The following RBM45 variants were observed in gnomAD, a reference collection of about 807,000 sequenced individuals.
RBM45 encodes the protein RNA binding motif protein 45.
In RBM45, 39 loss-of-function variants were observed where a neutral mutation model predicts 58.5. That is an observed-to-expected ratio of 0.67 (90% CI 0.52 to 0.87). The LOEUF is 0.87. Ranked by LOEUF, RBM45 falls within the 40% of genes least tolerant of loss-of-function variation. The pLI is 0.00. For missense variants in RBM45, 481 were observed against 581.6 expected (o/e 0.83, Z 1.78); for synonymous variants, 193 against 203.0 (o/e 0.95, Z 0.42).
intron 2 of RBM45, 116 bp downstream of exon 2, chr2:178,116,500 C>T (rs541133944): frequency 1.3e-6 from 1 of 757,506 alleles, no homozygotes; most frequent in Admixed American, 3.1e-5. Flanking sequence ...TGGGGAATTA[C>T]ATAACTGCTT....
At chr2:178,124,372 A>G (rs908789310) in intron 8 of RBM45, 82 bp downstream of exon 8, 1 of 830,430 alleles carries the variant, frequency 1.2e-6, no homozygotes, top group Non-Finnish European at 1.8e-6. Context: ...TCCTTCACCC[A>G]GTACCTATCA....
At chr2:178,132,578 T>C (rs1224176342), downstream of RBM45, among the ~76,000 whole-genome samples, 1 of 150,142 alleles carries the variant, frequency 6.7e-6, no homozygotes, top group Non-Finnish European at 1.5e-5. Context: ...ACTGCGGTTC[T>C]TTTTTGTTTG....
intron 2 of RBM45, among the ~76,000 whole-genome samples, chr2:178,117,644 A>G (rs1372540128): frequency 6.6e-6 from 1 of 152,202 alleles, no homozygotes; most frequent in Non-Finnish European, 1.5e-5. Context: ...TAACCCTTAA[A>G]CAACCCTGTG....
chr2:178,120,083 C>T (rs2087828610), intron 3 of RBM45, among the ~76,000 whole-genome samples: 1 of 152,070 alleles, frequency 6.6e-6, no homozygotes, highest in Admixed American at 6.5e-5. Flanking sequence ...CTACATTGAC[C>T]CGTAATTTGG....
chr2:178,124,383 A>T (rs940220120), intron 8 of RBM45, 93 bp downstream of exon 8: 1 of 708,972 alleles, frequency 1.4e-6, no homozygotes, highest in East Asian at 3.0e-5. Flanking sequence ...GTACCTATCA[A>T]GTAGAGAGTA....
In RBM45 at chr2:178,112,471, TGG is replaced by T; in HGVS notation, c.-74_-73del. ...GCGGAGCACCGAGCCGGCAAAGGCT[TGG>T]GTGTGAGACAGCAGCGGTGGCAGAC... On this transcript the variant is annotated 5_prime_UTR_variant, in exon 1 of 10. Coordinates refer to ENST00000286070, the MANE Select transcript of RBM45 (RefSeq NM_152945.4). 7.2e-7 allele frequency: 1 copy of T among 1,380,978 alleles called. No homozygotes were observed. The highest frequency in any genetic ancestry group is 2.3e-5 in the East Asian group (1 of 43,378). 85.5% of individuals were successfully genotyped at this position (1,380,978 alleles called of 1,614,324 possible).
chr2:178,125,874 T>C, intron 8 of RBM45, 110 bp from the exon 9 acceptor site: 1 of 777,522 alleles, frequency 1.3e-6, no homozygotes, highest in South Asian at 1.5e-5. Flanking sequence ...GAGTTGGATG[T>C]TGGATCTGGG....
At chr2:178,123,972 G>A in intron 7 of RBM45, 60 bp downstream of exon 7, 2 of 1,529,050 alleles carry the variant, frequency 1.3e-6, no homozygotes, top group Non-Finnish European at 1.8e-6. Context: ...TAAATGTGAA[G>A]AGAAATCATG....
In RBM45 at chr2:178,112,558, T is replaced by A. The variant is rs1375881763; in HGVS notation, c.12T>A (p.Ala4=). MDE[A]GSSASGGGFR... ...TCGGGTGGAGCACCATGGACGAAGC[T>A]GGCAGCTCTGCGAGCGGCGGGGGCT... Residue 4 remains alanine (A), a synonymous_variant, in exon 1 of 10, where the codon GCT becomes GCA. Coordinates refer to ENST00000286070, the MANE Select transcript of RBM45 (RefSeq NM_152945.4). 6.2e-7 allele frequency: 1 copy of A among 1,613,356 alleles called. No homozygotes were observed. The highest frequency in any genetic ancestry group is 1.7e-5 in the Admixed American group (1 of 60,008).
In RBM45 at chr2:178,129,620, C is replaced by T. The variant is rs1022550326; in HGVS notation, c.*232C>T. 2 of 152,500 alleles carry T rather than the reference C, an allele frequency of 1.3e-5. No homozygotes were observed. The highest frequency in any genetic ancestry group is 4.8e-5 in the African/African-American group (2 of 41,406). 9.4% of individuals were successfully genotyped at this position (152,500 alleles called of 1,614,324 possible). On this transcript the variant is annotated 3_prime_UTR_variant, in exon 10 of 10. Transcript: ENST00000286070. ...TGTTCCTTAGAGCAATATGTTGTTACGTGTAGCAGAAATAAAGTTTTCTTT... is the reference window on the plus strand; with the variant it reads ...TGTTCCTTAGAGCAATATGTTGTTATGTGTAGCAGAAATAAAGTTTTCTTT...
At chr2:178,130,323 G>A (rs1053113742), downstream of RBM45, among the ~76,000 whole-genome samples, 13 of 152,054 alleles carry the variant, frequency 8.5e-5, no homozygotes, top group African/African-American at 3.1e-4. Context: ...GAGTTCAAGA[G>A]GAGACCAGCC....
chr2:178,116,158 A>T, intron 1 of RBM45, 104 bp from the exon 2 acceptor site: 1 of 1,400,302 alleles, frequency 7.1e-7, no homozygotes, highest in Non-Finnish European at 9.5e-7. Flanking sequence ...CCTGTCTCAA[A>T]GATTAAAAAA....
At chr2:178,120,192 T>C in intron 3 of RBM45, 95 bp from the exon 4 acceptor site, 1 of 1,525,702 alleles carries the variant, frequency 6.6e-7, no homozygotes, top group Non-Finnish European at 9.0e-7. Context: ...TTTGTACAAT[T>C]ATATTTATAA....
chr2:178,119,205 T>C (rs2087816893), intron 3 of RBM45, among the ~76,000 whole-genome samples: 1 of 152,192 alleles, frequency 6.6e-6, no homozygotes, highest in African/African-American at 2.4e-5. Context: ...CCATTTATAG[T>C]AGACTCAGTA....
At chr2:178,122,438 G>C (rs2087866029) in intron 5 of RBM45, among the ~76,000 whole-genome samples, 2 of 152,146 alleles carry the variant, frequency 1.3e-5, no homozygotes, top group Non-Finnish European at 2.9e-5. Flanking sequence ...ATACTCACTA[G>C]TACCCAACCC....
chr2:178,135,753 G>T (rs2088040597), intron 3 of RBM45, among the ~76,000 whole-genome samples: 1 of 152,108 alleles, frequency 6.6e-6, no homozygotes. Flanking sequence ...TTTTGGGTCT[G>T]TTTTCTCATC....
intron 3 of RBM45, among the ~76,000 whole-genome samples, chr2:178,136,208 G>A (rs942833048): frequency 6.6e-6 from 1 of 152,202 alleles, no homozygotes; most frequent in Admixed American, 6.5e-5. Flanking sequence ...TACTTGGGAG[G>A]CTGAGGCAGG....
At chr2:178,122,647 C>T (rs2087870350) in intron 5 of RBM45, among the ~76,000 whole-genome samples, 2 of 151,892 alleles carry the variant, frequency 1.3e-5, no homozygotes, top group Admixed American at 1.3e-4. Context: ...TGTTCCTGTA[C>T]CTCCTGTTTT....
chr2:178,133,705 C>G (rs779576122), downstream of RBM45, among the ~76,000 whole-genome samples: 8 of 152,122 alleles, frequency 5.3e-5, no homozygotes, highest in Non-Finnish European at 1.0e-4. Flanking sequence ...AGGCTTTGTT[C>G]CATATGTGGA....
Sources: allele counts gnomAD v4.1 joint callset (sites outside exome capture counted in the v4.1 genomes callset), GRCh38; gene constraint gnomAD v4.1.1; transcripts MANE v1.5; gene names NCBI Gene and HGNC (gene_info 2026-07-23, HGNC 2026-07-21).